Variants in PRH1 observed in about 807,000 individuals in gnomAD.
PRH1 encodes salivary acidic proline-rich phosphoprotein 1/2.
In PRH1, 7 loss-of-function variants were observed where a neutral mutation model predicts 7.9. That is an observed-to-expected ratio of 0.89 (90% CI 0.50 to 1.67). The LOEUF (loss-of-function observed/expected upper bound fraction) is 1.67. Among genes scored for constraint, PRH1 ranks in the 40% most tolerant of loss-of-function variants. The probability of loss-of-function intolerance (pLI) is 0.00; values close to 1 mark genes in which losing one functional copy is unlikely to be tolerated. For synonymous variants in PRH1, 45 were observed against 80.8 expected (o/e 0.56, Z 2.38); for missense variants, 109 against 223.6 (o/e 0.49, Z 3.27).
At chr12:11,127,342 ATG>A (rs948850510) in intron 1 of PRH1, among the ~76,000 whole-genome samples, 12 of 152,288 alleles carry the variant, frequency 7.9e-5, no homozygotes, top group African/African-American at 2.9e-4. Context: ...GCGTTCAGCA[ATG>A]TGAGTTGTTA....
chr12:10,944,293 C>T (rs1196618740), intron 2 of PRH1, among the ~76,000 whole-genome samples: 1 of 152,088 alleles, frequency 6.6e-6, no homozygotes, highest in Non-Finnish European at 1.5e-5. Context: ...AAATTTTTCA[C>T]TTCCCTCGTT....
intron 2 of PRH1, among the ~76,000 whole-genome samples, chr12:10,907,175 G>C (rs910811627): frequency 6.6e-6 from 1 of 152,106 alleles, no homozygotes; most frequent in Non-Finnish European, 1.5e-5. Flanking sequence ...CCACTCTATA[G>C]AACTCTGGCA....
chr12:10,896,640 T>C (rs1036643572), intron 2 of PRH1, among the ~76,000 whole-genome samples: 2 of 151,432 alleles, frequency 1.3e-5, no homozygotes. Flanking sequence ...CATGCTCCTG[T>C]AATCCCAGTT....
intron 1 of PRH1, among the ~76,000 whole-genome samples, chr12:11,017,519 C>T (rs117625223): frequency 0.015 from 2,310 of 152,204 alleles, 19 homozygotes; most frequent in South Asian, 0.031. Flanking sequence ...GAGTCTCGCT[C>T]TGTTGCCCAG....
At chr12:11,103,747 G>A (rs1274954404) in intron 1 of PRH1, among the ~76,000 whole-genome samples, 2 of 151,982 alleles carry the variant, frequency 1.3e-5, no homozygotes, top group East Asian at 1.9e-4. Context: ...TTAAGCCATA[G>A]GACTATATTA....
intron 1 of PRH1, among the ~76,000 whole-genome samples, chr12:11,100,213 A>G (rs541039097): frequency 6.6e-6 from 1 of 152,314 alleles, no homozygotes; most frequent in South Asian, 2.1e-4. Context: ...TAAACAGTCA[A>G]CTAACCCTTA....
At chr12:10,960,093 C>T (rs1938165583) in intron 2 of PRH1, among the ~76,000 whole-genome samples, 1 of 152,172 alleles carries the variant, frequency 6.6e-6, no homozygotes, top group South Asian at 2.1e-4. Flanking sequence ...GTGGTGACAG[C>T]AACAGCCTCA....
At chr12:10,935,695 A>G (rs1257234009) in intron 2 of PRH1, among the ~76,000 whole-genome samples, 1 of 152,206 alleles carries the variant, frequency 6.6e-6, no homozygotes, top group African/African-American at 2.4e-5. Flanking sequence ...GTAAGTAAGT[A>G]TAGGTTTGCT....
chr12:10,938,754 T>G lies in PRH1; in HGVS notation c.-59+34901A>C, dbSNP rs1950338594. On this transcript the variant is annotated intron_variant, in intron 2 of 3. Coordinates refer to the PRH1 transcript ENST00000539853. ...CTGTATCCATTGATACTGGCATTTA[T>G]ATGGATGTTTATCAGTGCAATATTT... 4 of 1,613,746 alleles carry G rather than the reference T, an allele frequency of 2.5e-6. No individual in the cohort carries two copies. In the African/African-American group the frequency reaches 5.3e-5, roughly 22 times the overall value.
intron 2 of PRH1, among the ~76,000 whole-genome samples, chr12:10,942,676 C>T (rs1950421922): frequency 6.6e-6 from 1 of 152,296 alleles, no homozygotes; most frequent in Admixed American, 6.5e-5. Context: ...TCTTCCCCTG[C>T]CTATTTAGTC....
At chr12:10,906,834 C>G (rs1949811716) in intron 2 of PRH1, among the ~76,000 whole-genome samples, 1 of 152,048 alleles carries the variant, frequency 6.6e-6, no homozygotes, top group Non-Finnish European at 1.5e-5. Flanking sequence ...TTATCAGCAG[C>G]ATGAAAATGG....
intron 2 of PRH1, among the ~76,000 whole-genome samples, chr12:10,892,514 A>G (rs1354959103): frequency 1.3e-5 from 2 of 152,054 alleles, no homozygotes; most frequent in Non-Finnish European, 2.9e-5. Context: ...AAAGGATTGA[A>G]AGTGAATAAT....
chr12:10,892,904 GC>G (rs1949594917), intron 2 of PRH1, among the ~76,000 whole-genome samples: 1 of 152,296 alleles, frequency 6.6e-6, no homozygotes, highest in South Asian at 2.1e-4. Flanking sequence ...TCAAAGTAAG[GC>G]CTGCTTGTAA....
At chr12:10,975,644 G>C in intron 1 of PRH1, among the ~76,000 whole-genome samples, 1 of 151,802 alleles carries the variant, frequency 6.6e-6, no homozygotes, top group Non-Finnish European at 1.5e-5. Context: ...ATAAAAAAGC[G>C]TAGCCTAATG....
At chr12:11,032,854 A>G (rs1404198038) in intron 1 of PRH1, among the ~76,000 whole-genome samples, 2 of 152,284 alleles carry the variant, frequency 1.3e-5, no homozygotes, top group Admixed American at 6.5e-5. Flanking sequence ...TTACTTTGAT[A>G]AACAGAAAAT....
chr12:11,144,793 T>C (rs969957164), intron 1 of PRH1, among the ~76,000 whole-genome samples: 1 of 152,334 alleles, frequency 6.6e-6, no homozygotes, highest in Admixed American at 6.5e-5. Flanking sequence ...TACCCCTGCA[T>C]TTCACTCAGC....
At chr12:11,169,489 C>T (rs1328257152) in intron 1 of PRH1, among the ~76,000 whole-genome samples, 1 of 152,116 alleles carries the variant, frequency 6.6e-6, no homozygotes, top group African/African-American at 2.4e-5. Context: ...TGCTATTTTC[C>T]CCACGGTCTC....
At chr12:11,020,999 TATA>T (rs1002936002) in intron 1 of PRH1, among the ~76,000 whole-genome samples, 2 of 152,232 alleles carry the variant, frequency 1.3e-5, no homozygotes, top group Non-Finnish European at 1.5e-5. Context: ...TCATTCCTAT[TATA>T]GAAATGATTT....
At chr12:10,902,228 T>G (rs953789920) in intron 2 of PRH1, among the ~76,000 whole-genome samples, 7 of 151,870 alleles carry the variant, frequency 4.6e-5, no homozygotes, top group African/African-American at 7.3e-5. Flanking sequence ...ACAATTGAAT[T>G]CATATAAAGT....
Sources: gnomAD v4.1 joint callset for allele counts (sites outside exome capture counted in the v4.1 genomes callset) on GRCh38, gnomAD v4.1.1 for gene constraint, MANE v1.5 for transcripts, NCBI Gene and HGNC (gene_info 2026-07-23, HGNC 2026-07-21) for gene names.